The following CBLN2 variants were observed in gnomAD, a reference collection of about 807,000 sequenced individuals.
The protein encoded by CBLN2 is cerebellin 2 precursor.
A neutral mutation model predicts 15.0 loss-of-function variants in CBLN2; 7 were observed. The observed-to-expected ratio is 0.47, with a 90% CI of 0.27 to 0.88. The LOEUF is 0.88. CBLN2 is among the 40% of genes least tolerant of loss of function. The pLI, the probability that CBLN2 is intolerant of heterozygous loss-of-function variation, is 0.14. For synonymous variants in CBLN2, 149 were observed against 135.2 expected (o/e 1.10, Z -0.71); for missense variants, 242 against 304.5 (o/e 0.79, Z 1.53).
At chr18:72,556,778 G>C (rs982654471) in intron 1 of CBLN2, among the ~76,000 whole-genome samples, 7 of 152,050 alleles carry the variant, frequency 4.6e-5, no homozygotes, top group African/African-American at 1.7e-4. Flanking sequence ...CTGATAGGTA[G>C]ATTCTCAGCG....
intron 1 of CBLN2, among the ~76,000 whole-genome samples, chr18:72,613,268 C>G (rs1176447428): frequency 1.3e-5 from 2 of 152,050 alleles, no homozygotes; most frequent in Admixed American, 1.3e-4. Flanking sequence ...CAAATAATAA[C>G]CTTCTTAAAA....
intron 1 of CBLN2, among the ~76,000 whole-genome samples, chr18:72,592,113 A>G (rs2069483631): frequency 6.6e-6 from 1 of 152,066 alleles, no homozygotes; most frequent in South Asian, 2.1e-4. Flanking sequence ...TTATATTCTG[A>G]CAAGTAGTGT....
At chr18:72,636,735 TC>T (rs746569893) in intron 1 of CBLN2, among the ~76,000 whole-genome samples, 14 of 152,186 alleles carry the variant, frequency 9.2e-5, no homozygotes, top group Non-Finnish European at 1.9e-4. Context: ...CATGGCACAG[TC>T]CTACCATGAG....
chr18:72,632,557 CTT>C (rs1232582483), intron 1 of CBLN2, among the ~76,000 whole-genome samples: 2 of 152,174 alleles, frequency 1.3e-5, no homozygotes, highest in African/African-American at 4.8e-5. Flanking sequence ...TTTAATCACT[CTT>C]TTACAATGTG....
chr18:72,635,388 G>A (rs1225380544), intron 1 of CBLN2, among the ~76,000 whole-genome samples: 2 of 152,082 alleles, frequency 1.3e-5, no homozygotes, highest in African/African-American at 4.8e-5. Context: ...CAGGATGGAG[G>A]CTAGAGTTAA....
chr18:72,541,770 G>T (rs1196697050), intron 3 of CBLN2, 34 bp downstream of exon 3: 1 of 1,497,972 alleles, frequency 6.7e-7, no homozygotes, highest in Admixed American at 2.0e-5. Context: ...CCTCTCCCCG[G>T]GCTGGGGGCG....
intron 1 of CBLN2, among the ~76,000 whole-genome samples, chr18:72,634,561 G>T (rs1023311054): frequency 2.6e-5 from 4 of 152,092 alleles, no homozygotes; most frequent in Admixed American, 6.6e-5. Flanking sequence ...GGATGTGATG[G>T]ACGTGCAGAT....
intron 1 of CBLN2, chr18:72,625,023 T>C: frequency 6.6e-6 from 1 of 152,184 alleles, no homozygotes; most frequent in Admixed American, 6.5e-5. Context: ...ACTTTAGAAT[T>C]ATTACAAGTA....
chr18:72,568,404 T>C (rs537805875), intron 1 of CBLN2, among the ~76,000 whole-genome samples: 2 of 152,310 alleles, frequency 1.3e-5, no homozygotes, highest in Admixed American at 1.3e-4. Context: ...CTGTGCTTGC[T>C]GTGACTTCAT....
chr18:72,586,872 C>A (rs970796007), intron 1 of CBLN2, among the ~76,000 whole-genome samples: 2 of 152,056 alleles, frequency 1.3e-5, no homozygotes, highest in South Asian at 4.1e-4. Context: ...TTAACACACT[C>A]TCTCTCCCTC....
intron 1 of CBLN2, among the ~76,000 whole-genome samples, chr18:72,619,689 C>A (rs1161886361): frequency 6.6e-6 from 1 of 152,062 alleles, no homozygotes; most frequent in African/African-American, 2.4e-5. Flanking sequence ...ACAAAGGTTT[C>A]TCATTTATAG....
chr18:72,553,806 G>A (rs1388281460), intron 1 of CBLN2, among the ~76,000 whole-genome samples: 1 of 152,174 alleles, frequency 6.6e-6, no homozygotes, highest in Admixed American at 6.5e-5. Flanking sequence ...AAACATTATA[G>A]AGTGACAAAA....
intron 3 of CBLN2, among the ~76,000 whole-genome samples, chr18:72,540,952 T>A (rs1238495923): frequency 6.6e-6 from 1 of 152,192 alleles, no homozygotes; most frequent in Non-Finnish European, 1.5e-5. Context: ...ATAATGTTTT[T>A]AATTATTTTT....
chr18:72,546,308 A>G (rs588689), upstream of CBLN2, among the ~76,000 whole-genome samples: 132,520 of 151,820 alleles, frequency 0.87, 59,715 homozygotes, highest in Non-Finnish European at 0.98. Context: ...GTGGTGGCGG[A>G]CGCCTGTAGT....
chr18:72,542,163 G>A lies in CBLN2; in HGVS notation c.-3C>T, dbSNP rs1417453973. The A allele has an allele frequency of 4.8e-6, 6 of 1,253,628 alleles. No individual in the cohort carries two copies. Among genetic ancestry groups the A allele is most frequent in the African/African-American group, 1.6e-5 (1 of 63,868 alleles). The allele number at this position is 1,253,628 out of a possible 1,614,324, so 77.7% of individuals were successfully genotyped here. The stretch of plus-strand genomic sequence containing the variant: ...GGCCCCCGGCCGGGCGCCTGCATCG[G>A]GACTGGTGGGAGGCGGCGCGCGGGG... On this transcript the variant is annotated 5_prime_UTR_variant, in exon 3 of 5. Transcript: ENST00000269503.
intron 1 of CBLN2, among the ~76,000 whole-genome samples, chr18:72,577,084 C>T (rs1026176695): frequency 8.1e-5 from 12 of 147,640 alleles, no homozygotes; most frequent in South Asian, 6.4e-4. Flanking sequence ...AAAAAGGATT[C>T]GGTCCTTAAA....
At chr18:72,608,229 G>A (rs2069596943) in intron 1 of CBLN2, among the ~76,000 whole-genome samples, 2 of 152,212 alleles carry the variant, frequency 1.3e-5, no homozygotes, top group African/African-American at 4.8e-5. Context: ...TTCCTTCATA[G>A]CTTTTGAAAC....
At chr18:72,552,979 A>T (rs1374740698) in intron 1 of CBLN2, among the ~76,000 whole-genome samples, 2 of 152,194 alleles carry the variant, frequency 1.3e-5, no homozygotes, top group African/African-American at 4.8e-5. Flanking sequence ...TGTATTTTTA[A>T]ATTTTCCACC....
intron 1 of CBLN2, among the ~76,000 whole-genome samples, chr18:72,585,425 C>T (rs2069435887): frequency 6.6e-6 from 1 of 152,166 alleles, no homozygotes; most frequent in Non-Finnish European, 1.5e-5. Context: ...CTCGTTTCCA[C>T]AGGCAGGTCA....
Sources: gnomAD v4.1 joint callset for allele counts (sites outside exome capture counted in the v4.1 genomes callset) on GRCh38, gnomAD v4.1.1 for gene constraint, MANE v1.5 for transcripts, NCBI Gene and HGNC (gene_info 2026-07-23, HGNC 2026-07-21) for gene names.